The following KIAA0825 variants were observed in gnomAD, a reference collection of about 807,000 sequenced individuals.
KIAA0825 encodes the protein KIAA0825, also known as uncharacterized protein KIAA0825.
KIAA0825 carries 119 observed loss-of-function variants against 147.6 expected under a neutral mutation model. The ratio of observed to expected loss-of-function variants is 0.81; its 90% CI spans 0.69 to 0.94. KIAA0825 has a LOEUF of 0.94. Among genes scored for constraint, KIAA0825 ranks in the 40% least tolerant of loss-of-function variants. KIAA0825 has a pLI of 0.00. For synonymous variants in KIAA0825, 470 were observed against 518.1 expected, an observed-to-expected ratio of 0.91 and a Z score of 1.26; for missense variants, 1,381 against 1,472.7, an observed-to-expected ratio of 0.94 and a Z score of 1.02.
intron 20 of KIAA0825, among the ~76,000 whole-genome samples, chr5:94,211,719 C>A (rs1772725926): frequency 6.6e-6 from 1 of 152,032 alleles, no homozygotes; most frequent in African/African-American, 2.4e-5. Context: ...GTATTTTGCC[C>A]TTTTTTTGTA....
At chr5:94,280,776 G>C (rs1777420913) in intron 20 of KIAA0825, among the ~76,000 whole-genome samples, 2 of 152,062 alleles carry the variant, frequency 1.3e-5, no homozygotes, top group African/African-American at 4.8e-5. Flanking sequence ...ATGCTAAAAA[G>C]ATGAGACTTC....
chr5:94,215,959 G>A (rs1174541496), intron 20 of KIAA0825, among the ~76,000 whole-genome samples: 1 of 152,010 alleles, frequency 6.6e-6, no homozygotes, highest in African/African-American at 2.4e-5. Flanking sequence ...ATGAACTCCT[G>A]GCACTTCAGA....
chr5:94,588,483 A>G (rs1783740183), intron 1 of KIAA0825, among the ~76,000 whole-genome samples: 1 of 152,220 alleles, frequency 6.6e-6, no homozygotes, highest in African/African-American at 2.4e-5. Flanking sequence ...CAAAACCACA[A>G]TGAGATACCA....
chr5:94,194,782 TG>T (rs1244206863), intron 20 of KIAA0825, among the ~76,000 whole-genome samples: 1 of 152,232 alleles, frequency 6.6e-6, no homozygotes, highest in Non-Finnish European at 1.5e-5. Flanking sequence ...CTGATTACTT[TG>T]GCTCTCAGTG....
At chr5:94,352,897 T>C (rs1259135809) in intron 20 of KIAA0825, among the ~76,000 whole-genome samples, 1 of 148,172 alleles carries the variant, frequency 6.7e-6, no homozygotes, top group Non-Finnish European at 1.5e-5. Flanking sequence ...GGCATAAGAA[T>C]GATGCAATGG....
rs569621364 is a variant in KIAA0825 at position 94,326,141 on chromosome 5, T to C, written c.3710+58227A>G. Among the ~76,000 whole-genome samples, 3 of 152,268 alleles carry C rather than the reference T, an allele frequency of 2.0e-5. No homozygotes were observed. In the South Asian group the frequency reaches 6.2e-4, roughly 32 times the overall value. ...ATACTAGAGACATGTTGAAAAACAC[T>C]ATATTTTCTCTCAATAAGGAAAATC... On this transcript the variant is annotated intron_variant, in intron 20 of 20. Transcript: ENST00000682413.
At chr5:94,468,464 T>A (rs908718645) in intron 10 of KIAA0825, among the ~76,000 whole-genome samples, 2 of 152,214 alleles carry the variant, frequency 1.3e-5, no homozygotes, top group Non-Finnish European at 2.9e-5. Context: ...AGACCAATAC[T>A]TTAATTCTTA....
At chr5:94,564,566 G>A (rs1471508790) in intron 2 of KIAA0825, among the ~76,000 whole-genome samples, 1 of 151,206 alleles carries the variant, frequency 6.6e-6, no homozygotes, top group Non-Finnish European at 1.5e-5. Context: ...GTGTGTGTGT[G>A]TGTGTGTGTG....
intron 2 of KIAA0825, among the ~76,000 whole-genome samples, chr5:94,546,251 C>G (rs1774330754): frequency 6.6e-6 from 1 of 152,176 alleles, no homozygotes; most frequent in Non-Finnish European, 1.5e-5. Flanking sequence ...ATCCCTGGCT[C>G]CAAGACAGTA....
intron 9 of KIAA0825, among the ~76,000 whole-genome samples, 173 bp downstream of exon 9, chr5:94,471,293 T>G (rs1265788021): frequency 1.3e-5 from 2 of 152,152 alleles, no homozygotes; most frequent in Non-Finnish European, 2.9e-5. Context: ...GTTTAATATA[T>G]CCCATGCTCC....
chr5:94,523,521 GACACAAT>G, intron 4 of KIAA0825, among the ~76,000 whole-genome samples: 1 of 151,528 alleles, frequency 6.6e-6, no homozygotes. Flanking sequence ...CCACTTAATA[GACACAAT>G]ACATGGGGAT....
At chr5:94,330,556 C>T (rs1781161181) in intron 20 of KIAA0825, among the ~76,000 whole-genome samples, 1 of 151,842 alleles carries the variant, frequency 6.6e-6, no homozygotes, top group Non-Finnish European at 1.5e-5. Flanking sequence ...TGTGAGATGC[C>T]ATTAAAGCAG....
chr5:94,431,330 T>C (rs531445334), intron 14 of KIAA0825, among the ~76,000 whole-genome samples: 4 of 152,316 alleles, frequency 2.6e-5, no homozygotes, highest in South Asian at 2.1e-4. Flanking sequence ...AGAATTGTCA[T>C]ATAAAATGAA....
At chr5:94,343,304 G>A (rs1306726608) in intron 20 of KIAA0825, among the ~76,000 whole-genome samples, 1 of 151,596 alleles carries the variant, frequency 6.6e-6, no homozygotes, top group East Asian at 1.9e-4. Flanking sequence ...ATTTAAAAGG[G>A]CAGAAGAACC....
intron 1 of KIAA0825, among the ~76,000 whole-genome samples, chr5:94,590,212 C>T (rs976727399): frequency 1.3e-5 from 2 of 152,116 alleles, no homozygotes; most frequent in Non-Finnish European, 2.9e-5. Context: ...CCAGGCTGGT[C>T]TCGAACTCCC....
intron 2 of KIAA0825, among the ~76,000 whole-genome samples, chr5:94,541,386 T>A (rs1357481002): frequency 6.6e-6 from 1 of 152,192 alleles, no homozygotes; most frequent in Admixed American, 6.5e-5. Flanking sequence ...GCAAGGCCTG[T>A]AAGGAAAGTA....
At chr5:94,366,380 C>T (rs76991728) in intron 20 of KIAA0825, among the ~76,000 whole-genome samples, 5 of 152,252 alleles carry the variant, frequency 3.3e-5, no homozygotes, top group African/African-American at 9.6e-5. Context: ...ACACAGCTAG[C>T]ACCTAATAGA....
intron 20 of KIAA0825, among the ~76,000 whole-genome samples, chr5:94,325,318 T>C (rs926786903): frequency 6.6e-6 from 1 of 151,954 alleles, no homozygotes; most frequent in African/African-American, 2.4e-5. Flanking sequence ...CTCCTTATGT[T>C]ATTATACATT....
chr5:94,473,319 C>T lies in KIAA0825; in HGVS notation c.1428G>A (p.Glu476=), dbSNP rs1446410463. ...QVWQDSHMFP[E]EEQPKKIGKF... is the part of the protein sequence containing the mutation. ...TTCCAATTTTCTTTGGTTGTTCCTC[C>T]TCAGGAAACATATGGCTGTCTTGCC... Residue 476 remains glutamate, a synonymous_variant, in exon 8 of 21, where the codon GAG becomes GAA. Transcript: ENST00000682413. The T allele has an allele frequency of 3.2e-6, 5 of 1,551,738 alleles. No homozygotes were observed. Among genetic ancestry groups the T allele is most frequent in the Non-Finnish European group, 4.4e-6 (5 of 1,146,984 alleles).
Sources: allele counts gnomAD v4.1 joint callset (sites outside exome capture counted in the v4.1 genomes callset), GRCh38; gene constraint gnomAD v4.1.1; transcripts MANE v1.5; gene names NCBI Gene and HGNC (gene_info 2026-07-23, HGNC 2026-07-21).